The following FAM124A variants were observed in gnomAD, a reference collection of about 807,000 sequenced individuals.
The protein encoded by FAM124A is family with sequence similarity 124 member A.
FAM124A carries 23 observed loss-of-function variants against 24.5 expected under a neutral mutation model. That is an observed-to-expected ratio of 0.94 (90% confidence interval 0.68 to 1.33). The LOEUF is 1.33. Among genes scored for constraint, FAM124A ranks in the 40% most tolerant of loss-of-function variants. The pLI is 0.00. For synonymous variants in FAM124A, 287 were observed against 314.7 expected (o/e 0.91, Z 0.93); for missense variants, 623 against 722.8 (o/e 0.86, Z 1.58).
chr13:51,243,498 C>T (rs1028483147), intron 2 of FAM124A, among the ~76,000 whole-genome samples: 16 of 152,034 alleles, frequency 1.1e-4, no homozygotes, highest in African/African-American at 2.9e-4. Flanking sequence ...GAGCCTTTTT[C>T]CCTCCTGCTT....
rs552216480 is a variant in FAM124A at position 51,251,091 on chromosome 13, C to T, written c.101-377C>T. ...AATACTAAATGGTGTCCACAAGATG[C>T]TATGCCATCTTTTCTAATGGGCCTG... On this transcript the variant is annotated intron_variant, in intron 2 of 3. Transcript: ENST00000322475. This position sits in a 1 kb window ranked among gnomAD's most constrained non-coding sequence, Gnocchi z 5.3. Among the ~76,000 whole-genome samples the T allele has an allele frequency of 4.3e-4, 65 of 152,346 alleles. No individual in the cohort carries two copies. Among genetic ancestry groups the T allele is most frequent in the African/African-American group, 1.5e-3 (63 of 41,590 alleles).
chr13:51,233,163 G>A (rs6561623), intron 2 of FAM124A, among the ~76,000 whole-genome samples: 47,671 of 150,794 alleles, frequency 0.32, 7,757 homozygotes, highest in East Asian at 0.6. Flanking sequence ...CCCTTAAGAA[G>A]AAAAAAAAAG....
chr13:51,229,001 G>A (rs1181205083), intron 1 of FAM124A, among the ~76,000 whole-genome samples: 3 of 152,218 alleles, frequency 2.0e-5, no homozygotes, highest in Admixed American at 2.0e-4. Flanking sequence ...TACAGGAAAT[G>A]TGTAGCAGCA....
rs111660778 is a variant in FAM124A, at chr13:51,241,997, C to T, written c.101-9471C>T. ...AATATAATTGTAAGGATTCCTCCCA[C>T]GAGCTCTAGTGTAAGACAGAGGCCT... On this transcript the variant is annotated intron_variant, in intron 2 of 3. Transcript: ENST00000322475. Among the ~76,000 whole-genome samples the T allele has an allele frequency of 5.6e-3, 856 of 152,340 alleles. 6 individuals carry two copies. The highest frequency in any genetic ancestry group is 0.024 in the Middle Eastern group (7 of 294).
At position 51,251,636 on chromosome 13, in the gene FAM124A, G is replaced by A; in HGVS notation, c.269G>A (p.Arg90Gln). The A allele has an allele frequency of 3.2e-6, 5 of 1,564,136 alleles. No individual in the cohort carries two copies. Among genetic ancestry groups the A allele is most frequent in the Non-Finnish European group, 3.5e-6 (4 of 1,152,764 alleles). Residue 90 changes from arginine (R) to glutamine (Q), a missense_variant, in exon 3 of 4, where the codon CGG becomes CAG. Arg to Gln is a conservative substitution (Grantham distance 43). Coordinates refer to ENST00000322475, the MANE Select transcript of FAM124A (RefSeq NM_001242312.2). The surrounding 1 kb of genome is among the most constrained non-coding windows in gnomAD (Gnocchi z 5.3). Reference sequence around the variant, plus strand: ...TCCGAGAGGCGGGCGTCCCGGCGGCGGCGGAAGCCCCCCAAGGGCGCTCAG... The same window carrying A: ...TCCGAGAGGCGGGCGTCCCGGCGGCAGCGGAAGCCCCCCAAGGGCGCTCAG... ...RVSERRASRR[R>Q]RKPPKGAQPA...
chr13:51,225,972 CTTTCTTTTTTTTTTTTT>C (rs1954311576), intron 1 of FAM124A, among the ~76,000 whole-genome samples: 1 of 68,192 alleles, frequency 1.5e-5, no homozygotes, highest in Admixed American at 2.2e-4. Flanking sequence ...TGCTTGCTTG[CTTTCTTTTTTTTTTTTT>C]TTTTTTTTTT....
intron 1 of FAM124A, among the ~76,000 whole-genome samples, chr13:51,223,221 G>C (rs1235919822): frequency 6.7e-6 from 1 of 150,278 alleles, no homozygotes; most frequent in African/African-American, 2.5e-5. Context: ...TATTCTCTTC[G>C]CTTCAGCGGA....
chr13:51,240,198 G>A lies in FAM124A; in HGVS notation c.100+8819G>A, dbSNP rs117647207. On this transcript the variant is annotated intron_variant, in intron 2 of 3. Coordinates refer to ENST00000322475, the MANE Select transcript of FAM124A (RefSeq NM_001242312.2). ...TTTCAAGGTTACAAAATTCAGAGTC[G>A]AAGAAAACTAAGATGATCCCATCAT... Among the ~76,000 whole-genome samples, 202 of 152,274 alleles carry A rather than the reference G, an allele frequency of 1.3e-3. 2 individuals carry two copies. The East Asian group carries it at 0.015, about 11-fold the overall frequency.
At chr13:51,231,243 T>C (rs1954373549) in intron 1 of FAM124A, 105 bp from the exon 2 acceptor site, 1 of 1,272,410 alleles carries the variant, frequency 7.9e-7, no homozygotes, top group African/African-American at 1.5e-5. Flanking sequence ...ATTGGTGACA[T>C]TTCTTTACCA....
rs1247293366 is a variant in FAM124A at position 51,272,971 on chromosome 13, G to T, written c.835-7479G>T. 2.0e-5 allele frequency among the ~76,000 whole-genome samples: 3 copies of T among 152,030 alleles called. No individual in the cohort carries two copies. On this transcript the variant is annotated intron_variant, in intron 3 of 3. Coordinates refer to ENST00000322475, the MANE Select transcript of FAM124A (RefSeq NM_001242312.2). The surrounding 1 kb of genome is among the most constrained non-coding windows in gnomAD (Gnocchi z 4.2). ...CTCTAAGAAATGACACTTGGATAAG[G>T]GTAAAACCTCTTTTTTTCCCCCATT...
intron 3 of FAM124A, among the ~76,000 whole-genome samples, chr13:51,259,522 G>A (rs1459075190): frequency 1.3e-5 from 2 of 151,722 alleles, no homozygotes; most frequent in African/African-American, 2.4e-5. Context: ...AACACACGCC[G>A]GCTGCCTCAC....
At chr13:51,276,538 C>G (rs900849884) in intron 3 of FAM124A, among the ~76,000 whole-genome samples, 1 of 152,162 alleles carries the variant, frequency 6.6e-6, no homozygotes, top group Non-Finnish European at 1.5e-5. Context: ...AAAACGTGTA[C>G]GGGCTTTGTC....
At chr13:51,227,333 AG>A (rs1954326029) in intron 1 of FAM124A, 1 of 152,212 alleles carries the variant, frequency 6.6e-6, no homozygotes. Context: ...CACCTAGTGA[AG>A]TTGCCTCTCC....
At chr13:51,242,874 C>T (rs1010497656) in intron 2 of FAM124A, among the ~76,000 whole-genome samples, 1 of 152,010 alleles carries the variant, frequency 6.6e-6, no homozygotes, top group Non-Finnish European at 1.5e-5. Context: ...AGAGGGCGGT[C>T]GAATAACTGT....
chr13:51,258,468 G>T lies in FAM124A; in HGVS notation c.834+6267G>T, dbSNP rs1954697925. Among the ~76,000 whole-genome samples the T allele has an allele frequency of 6.6e-6, 1 of 152,128 alleles. No homozygotes were observed. The highest frequency in any genetic ancestry group is 2.4e-5 in the African/African-American group (1 of 41,416). On this transcript the variant is annotated intron_variant, in intron 3 of 3. Transcript: ENST00000322475. This position sits in a 1 kb window ranked among gnomAD's most constrained non-coding sequence, Gnocchi z 4.2. ...GTGAGGGCCATCTGGGATCTCTCGT[G>T]GGTCTCCGAACCCTCTTCAGACTCT...
chr13:51,271,690 C>A (rs1015990073), intron 3 of FAM124A, among the ~76,000 whole-genome samples: 1 of 152,168 alleles, frequency 6.6e-6, no homozygotes, highest in Non-Finnish European at 1.5e-5. Context: ...ATTCTGCTCT[C>A]ATTTCTGTTC....
In FAM124A at chr13:51,281,356, C is replaced by A; in HGVS notation, c.*100C>A. 9.8e-6 allele frequency: 12 copies of A among 1,227,822 alleles called. No homozygotes were observed. Among genetic ancestry groups the A allele is most frequent in the Non-Finnish European group, 1.3e-5 (12 of 910,468 alleles). The allele number at this position is 1,227,822 out of a possible 1,614,324, so 76.1% of individuals were successfully genotyped here. A position where few individuals can be genotyped will look rare whatever the true frequency, so the allele number is the denominator to read the frequency against. ...TGAGCACACCACATTCTTCATGATC[C>A]ATTTCCCAGGAGCCCGTAGCACATT... On this transcript the variant is annotated 3_prime_UTR_variant, in exon 4 of 4. Coordinates refer to ENST00000322475, the MANE Select transcript of FAM124A (RefSeq NM_001242312.2).
chr13:51,222,686 C>G (rs1002956032), intron 1 of FAM124A, 117 bp downstream of exon 1: 4 of 1,027,938 alleles, frequency 3.9e-6, no homozygotes, highest in Non-Finnish European at 4.9e-6. Flanking sequence ...GGGGCTTCTC[C>G]TCCTGCCGGA....
chr13:51,248,519 A>T (rs1336267946), intron 2 of FAM124A, among the ~76,000 whole-genome samples: 1 of 152,136 alleles, frequency 6.6e-6, no homozygotes, highest in Non-Finnish European at 1.5e-5. Context: ...GCTGATCTAG[A>T]CCATGCTCAC....
Sources: gnomAD v4.1 joint callset for allele counts (sites outside exome capture counted in the v4.1 genomes callset) on GRCh38, gnomAD v4.1.1 for gene constraint, Gnocchi (gnomAD v3.1) non-coding constraint, MANE v1.5 for transcripts, NCBI Gene and HGNC (gene_info 2026-07-23, HGNC 2026-07-21) for gene names.